The following MSH4 variants were observed in gnomAD, a reference collection of about 807,000 sequenced individuals.
MSH4 encodes mutS homolog 4, also known as mutS protein homolog 4.
MSH4 carries 106 observed loss-of-function variants against 113.7 expected under a neutral mutation model. That is an observed-to-expected ratio of 0.93 (90% CI 0.80 to 1.10). MSH4 has a LOEUF of 1.10. MSH4 is among the 50% of genes least tolerant of loss of function. MSH4 has a pLI of 0.00. For missense variants in MSH4, 1,061 were observed against 1,093.7 expected, an observed-to-expected ratio of 0.97 and a Z score of 0.42; for synonymous variants, 368 against 380.2, an observed-to-expected ratio of 0.97 and a Z score of 0.37.
At chr1:75,865,233 A>C (rs1037402374) in intron 8 of MSH4, among the ~76,000 whole-genome samples, 8 of 152,138 alleles carry the variant, frequency 5.3e-5, no homozygotes, top group African/African-American at 1.9e-4. Flanking sequence ...CTTTTGGAGA[A>C]CCTATCTTGA....
chr1:75,880,208 C>T, intron 13 of MSH4, 55 bp downstream of exon 13: 1 of 920,492 alleles, frequency 1.1e-6, no homozygotes. Flanking sequence ...ATTTGAGAAA[C>T]TGTTACAATT....
chr1:75,804,210 C>T (rs1479381751), intron 2 of MSH4, among the ~76,000 whole-genome samples: 2 of 151,996 alleles, frequency 1.3e-5, no homozygotes, highest in Non-Finnish European at 1.5e-5. Context: ...TAAAAGTTGA[C>T]CCTGATATTA....
At chr1:75,880,010 G>A (rs1651896287) in intron 12 of MSH4, 40 bp from the exon 13 acceptor site, 1 of 948,596 alleles carries the variant, frequency 1.1e-6, no homozygotes, top group Non-Finnish European at 1.7e-6. Context: ...TCATAGTAGT[G>A]TGCATTTATC....
In MSH4 at chr1:75,815,132, TC is replaced by T; in HGVS notation, c.813del (p.Lys272SerfsTer12). 1 of 1,497,322 alleles carries T rather than the reference TC, an allele frequency of 6.7e-7. No homozygotes were observed. Among genetic ancestry groups the T allele is most frequent in the Non-Finnish European group, 9.0e-7 (1 of 1,107,554 alleles). 92.8% of individuals were successfully genotyped at this position (1,497,322 alleles called of 1,614,324 possible). ...CAGCACTGTCCTAATGGAGGTTCAGTCCAAGTAAGTTATATATTTATTTATT... is the reference window on the plus strand; with the variant it reads ...CAGCACTGTCCTAATGGAGGTTCAGTCAAGTAAGTTATATATTTATTTATT... ...EFSTVLMEVQ[S>X]KYYCLAAVAA... On this transcript the variant is annotated frameshift_variant, in exon 5 of 20. Coordinates refer to ENST00000263187, the MANE Select transcript of MSH4 (RefSeq NM_002440.4). LOFTEE classifies it high-confidence loss of function.
intron 8 of MSH4, among the ~76,000 whole-genome samples, chr1:75,851,223 T>G (rs2100548187): frequency 6.6e-6 from 1 of 152,070 alleles, no homozygotes; most frequent in East Asian, 1.9e-4. Context: ...TGCCATCGTT[T>G]TTTTTTTCAT....
chr1:75,890,849 G>C (rs1174642717), intron 17 of MSH4, 25 bp downstream of exon 17: 2 of 1,476,966 alleles, frequency 1.4e-6, no homozygotes, highest in East Asian at 2.3e-5. Flanking sequence ...TAAGTATATT[G>C]ATTTTGAGTC....
intron 19 of MSH4, among the ~76,000 whole-genome samples, chr1:75,903,949 T>C (rs1349859721): frequency 1.3e-5 from 2 of 152,144 alleles, no homozygotes; most frequent in African/African-American, 4.8e-5. Flanking sequence ...GTTCCAGAAG[T>C]TAGAGGAAAG....
intron 7 of MSH4, among the ~76,000 whole-genome samples, chr1:75,840,531 G>C (rs61526544): frequency 8.6e-6 from 1 of 116,538 alleles, no homozygotes; most frequent in Non-Finnish European, 1.7e-5. Context: ...GGGTGGGGGA[G>C]GGGGGAGGGA....
rs765660097 is a variant in MSH4, at chr1:75,876,927, C to A, written c.1306-9C>A. Reference sequence around the variant, plus strand: ...TTATCCTTAACTTTTTTATTTTATTCTTTAATAGATTGCTATGAAGAACTG... The same window carrying A: ...TTATCCTTAACTTTTTTATTTTATTATTTAATAGATTGCTATGAAGAACTG... On this transcript the variant is annotated splice_polypyrimidine_tract_variant and intron_variant, in intron 9 of 19. Transcript: ENST00000263187. 6.8e-7 allele frequency: 1 copy of A among 1,469,076 alleles called. No homozygotes were observed. Among genetic ancestry groups the A allele is most frequent in the African/African-American group, 1.4e-5 (1 of 69,690 alleles). The allele number at this position is 1,469,076 out of a possible 1,614,324, so 91.0% of individuals were successfully genotyped here. A position where few individuals can be genotyped will look rare whatever the true frequency, so the allele number is the denominator to read the frequency against.
In MSH4 at chr1:75,890,798, G is replaced by T. The variant is rs776823263; in HGVS notation, c.2329G>T (p.Val777Phe). ...AGAAGGTATTGGCATTTGTTATGCT[G>T]TTTGTGAATATCTACTGAGCTTAAA... ...TEEGIGICYA[V>F]CEYLLSLKAF... Residue 777 changes from valine to phenylalanine, a missense_variant, in exon 17 of 20, where the codon GTT becomes TTT. Physicochemically the swap from Val to Phe is conservative, Grantham distance 50 (BLOSUM62 -1). Transcript: ENST00000263187. 6.2e-7 allele frequency: 1 copy of T among 1,602,850 alleles called. No individual in the cohort carries two copies. The highest frequency in any genetic ancestry group is 8.5e-7 in the Non-Finnish European group (1 of 1,172,290).
chr1:75,827,737 A>G (rs1384231378), intron 7 of MSH4, among the ~76,000 whole-genome samples: 2 of 152,140 alleles, frequency 1.3e-5, no homozygotes, highest in African/African-American at 4.8e-5. Context: ...CTTTAAACCA[A>G]CAAAGATCAA....
intron 3 of MSH4, 85 bp downstream of exon 3, chr1:75,807,226 T>A: frequency 8.8e-7 from 1 of 1,139,136 alleles, no homozygotes; most frequent in Non-Finnish European, 1.2e-6. Context: ...TTTGTTTACT[T>A]TTTGGTAGAA....
chr1:75,820,997 G>A (rs11161672), intron 6 of MSH4, among the ~76,000 whole-genome samples: 32,251 of 150,846 alleles, frequency 0.21, 3,627 homozygotes, highest in Middle Eastern at 0.31. Flanking sequence ...ACAGATCAAC[G>A]AGACAGAAAG....
intron 8 of MSH4, among the ~76,000 whole-genome samples, chr1:75,854,777 G>A (rs959685021): frequency 1.3e-5 from 2 of 152,018 alleles, no homozygotes; most frequent in Non-Finnish European, 2.9e-5. Flanking sequence ...TAACAGTGTT[G>A]TTGGAATCAG....
intron 9 of MSH4, among the ~76,000 whole-genome samples, chr1:75,872,167 T>G (rs75334332): frequency 0.054 from 8,228 of 152,222 alleles, 388 homozygotes; most frequent in African/African-American, 0.12. Flanking sequence ...TCCTGTGCAT[T>G]CCCAGATTCT....
intron 19 of MSH4, among the ~76,000 whole-genome samples, chr1:75,905,510 A>G (rs948498205): frequency 2.6e-5 from 4 of 152,082 alleles, no homozygotes; most frequent in African/African-American, 9.7e-5. Flanking sequence ...GATGAGAAGA[A>G]TTTGTATTCT....
rs5745488 is a variant in MSH4 at position 75,884,075 on chromosome 1, A to G, written c.2107+254A>G. On this transcript the variant is annotated intron_variant, in intron 15 of 19. Transcript: ENST00000263187. ...CTACAGAATTGGGAACATTCTTACT[A>G]TAACTATTAAAGTTGCATCAAATAT... 0.065 allele frequency among the ~76,000 whole-genome samples: 9,894 copies of G among 152,244 alleles called. 468 individuals carry two copies. The highest frequency in any genetic ancestry group is 0.12 in the Middle Eastern group (35 of 294).
chr1:75,842,243 A>G (rs1297498885), intron 7 of MSH4, among the ~76,000 whole-genome samples: 2 of 152,298 alleles, frequency 1.3e-5, no homozygotes, highest in Non-Finnish European at 2.9e-5. Flanking sequence ...GATTATGGGG[A>G]CCAAGTTTTA....
chr1:75,853,063 G>A (rs1160892059), intron 8 of MSH4, among the ~76,000 whole-genome samples: 1 of 151,724 alleles, frequency 6.6e-6, no homozygotes, highest in African/African-American at 2.4e-5. Flanking sequence ...TTCTTTGTTT[G>A]TTTGTTTGTT....
Sources: allele counts gnomAD v4.1 joint callset (sites outside exome capture counted in the v4.1 genomes callset), GRCh38; gene constraint gnomAD v4.1.1; transcripts MANE v1.5; gene names NCBI Gene and HGNC (gene_info 2026-07-23, HGNC 2026-07-21).